Variants in FOXN3 observed in about 807,000 individuals in gnomAD.
FOXN3 encodes the protein forkhead box N3, also known as forkhead box protein N3.
In FOXN3, 7 loss-of-function variants were observed where a neutral mutation model predicts 38.4. That is an observed-to-expected ratio of 0.18 (90% CI 0.10 to 0.34). The LOEUF is 0.34. Ranked by LOEUF, FOXN3 falls within the 10% of genes least tolerant of loss-of-function variation. The probability of loss-of-function intolerance (pLI) is 1.00; values close to 1 mark genes in which losing one functional copy is unlikely to be tolerated. For synonymous variants in FOXN3, 230 were observed against 242.2 expected (o/e 0.95, Z 0.47); for missense variants, 456 against 613.4 (o/e 0.74, Z 2.71).
intron 4 of FOXN3, among the ~76,000 whole-genome samples, chr14:89,230,248 A>G (rs1884767356): frequency 6.6e-6 from 1 of 152,234 alleles, no homozygotes; most frequent in Non-Finnish European, 1.5e-5. Flanking sequence ...TCATTTCTAT[A>G]TCCCAGGGAT....
chr14:89,231,321 G>C (rs2139854359), intron 4 of FOXN3, among the ~76,000 whole-genome samples: 1 of 152,278 alleles, frequency 6.6e-6, no homozygotes. Context: ...TTGCTTTGTA[G>C]GAAATACTTG....
chr14:89,336,888 CTT>C (rs1468470501), intron 3 of FOXN3, among the ~76,000 whole-genome samples: 1 of 152,182 alleles, frequency 6.6e-6, no homozygotes, highest in East Asian at 1.9e-4. Context: ...TTTCCTATAA[CTT>C]TAACTTCAAC....
intron 1 of FOXN3, among the ~76,000 whole-genome samples, chr14:89,476,658 G>A (rs868476807): frequency 1.2e-4 from 19 of 152,194 alleles, no homozygotes; most frequent in South Asian, 2.1e-4. Context: ...TTTCCACAGC[G>A]ATTAAGAGTC....
At chr14:89,550,882 G>A (rs977656649) in intron 1 of FOXN3, among the ~76,000 whole-genome samples, 10 of 152,260 alleles carry the variant, frequency 6.6e-5, no homozygotes, top group African/African-American at 1.7e-4. Context: ...CGGAGAGAGC[G>A]AGAGACTCTT....
In FOXN3 at chr14:89,286,382, C is replaced by T. The variant is rs76280962; in HGVS notation, c.681-5368G>A. Reference sequence around the variant, plus strand: ...CGACAAAGCAGAAAGCCCAAACCAACGGGGATGGGGTGGGGGGAAAAAGTG... The same window carrying T: ...CGACAAAGCAGAAAGCCCAAACCAATGGGGATGGGGTGGGGGGAAAAAGTG... On this transcript the variant is annotated intron_variant, in intron 3 of 5. Coordinates refer to ENST00000557258, the MANE Select transcript of FOXN3 (RefSeq NM_005197.4). Among the ~76,000 whole-genome samples the T allele has an allele frequency of 1.2e-4, 19 of 152,170 alleles. No homozygotes were observed. In the East Asian group the frequency reaches 1.9e-3, roughly 15 times the overall value.
At chr14:89,325,828 A>G (rs1025387228) in intron 3 of FOXN3, among the ~76,000 whole-genome samples, 2 of 152,212 alleles carry the variant, frequency 1.3e-5, no homozygotes, top group Admixed American at 1.3e-4. Flanking sequence ...TGGGGGCTCA[A>G]TGAACTGAGC....
At chr14:89,568,931 A>G (rs144999448) in intron 1 of FOXN3, among the ~76,000 whole-genome samples, 6,001 of 152,282 alleles carry the variant, frequency 0.039, 300 homozygotes, top group African/African-American at 0.11. Context: ...TTGGCCGGGC[A>G]CGGTGGCTCA....
At chr14:89,505,968 C>G (rs1275792006) in intron 1 of FOXN3, among the ~76,000 whole-genome samples, 1 of 150,886 alleles carries the variant, frequency 6.6e-6, no homozygotes, top group South Asian at 2.1e-4. Context: ...GCAACCGCCC[C>G]GTCTGAGAAG....
At chr14:89,579,739 C>T (rs745451980) in intron 1 of FOXN3, among the ~76,000 whole-genome samples, 40 of 152,172 alleles carry the variant, frequency 2.6e-4, no homozygotes, top group Non-Finnish European at 5.3e-4. Flanking sequence ...TCTGGCCACC[C>T]TTACCAAATG....
At chr14:89,574,386 T>C (rs910421685) in intron 1 of FOXN3, among the ~76,000 whole-genome samples, 2 of 152,220 alleles carry the variant, frequency 1.3e-5, no homozygotes, top group African/African-American at 2.4e-5. Context: ...ATAAGGTTTC[T>C]GGTCTTCTCT....
chr14:89,280,202 G>A (rs906628996), intron 4 of FOXN3, among the ~76,000 whole-genome samples: 7 of 152,140 alleles, frequency 4.6e-5, no homozygotes, highest in Admixed American at 1.3e-4. Context: ...CCAAAATAGC[G>A]ATAACCCCAA....
chr14:89,562,687 A>T (rs970660423), intron 1 of FOXN3, among the ~76,000 whole-genome samples: 2 of 152,258 alleles, frequency 1.3e-5, no homozygotes, highest in Admixed American at 6.5e-5. Context: ...TTACAAGGAC[A>T]TCACACAAAC....
chr14:89,467,426 A>G (rs1483395653), intron 1 of FOXN3, among the ~76,000 whole-genome samples: 1 of 152,222 alleles, frequency 6.6e-6, no homozygotes, highest in East Asian at 1.9e-4. Flanking sequence ...TCACTTTAAA[A>G]TACAATTACT....
Position 89,182,423 on chromosome 14 carries a change from C to G in FOXN3, c.746-1617G>C, listed in dbSNP as rs567653637. Among the ~76,000 whole-genome samples the G allele has an allele frequency of 2.6e-5, 4 of 152,290 alleles. No homozygotes were observed. In the South Asian group the frequency reaches 8.3e-4, roughly 32 times the overall value. ...GGATGGGTGACAGAATGGAAACTCTCGCCTAAGTCAGTACTACTATTACAG... is the reference window on the plus strand; with the variant it reads ...GGATGGGTGACAGAATGGAAACTCTGGCCTAAGTCAGTACTACTATTACAG... On this transcript the variant is annotated intron_variant, in intron 4 of 5. Coordinates refer to ENST00000557258, the MANE Select transcript of FOXN3 (RefSeq NM_005197.4).
intron 4 of FOXN3, among the ~76,000 whole-genome samples, chr14:89,206,530 C>T (rs1490716027): frequency 1.3e-5 from 2 of 152,178 alleles, no homozygotes; most frequent in African/African-American, 4.8e-5. Flanking sequence ...GCGGAGGTTT[C>T]CGTTCCCAGT....
intron 2 of FOXN3, among the ~76,000 whole-genome samples, chr14:89,377,773 G>A (rs544829310): frequency 2.0e-4 from 31 of 152,208 alleles, no homozygotes; most frequent in African/African-American, 4.8e-4. Flanking sequence ...ACCAATTCAC[G>A]TGTTGAAGCC....
intron 1 of FOXN3, among the ~76,000 whole-genome samples, chr14:89,472,887 T>C (rs75758275): frequency 0.02 from 3,112 of 152,210 alleles, 91 homozygotes; most frequent in African/African-American, 0.071. Context: ...TCCATAACCC[T>C]TCTGTGAGGT....
At chr14:89,363,343 G>A (rs1889954633) in intron 2 of FOXN3, among the ~76,000 whole-genome samples, 2 of 152,336 alleles carry the variant, frequency 1.3e-5, no homozygotes, top group Admixed American at 6.5e-5. Context: ...TCAAGATCAT[G>A]AGAGACAAAT....
intron 3 of FOXN3, among the ~76,000 whole-genome samples, chr14:89,349,348 G>C (rs564637350): frequency 6.6e-6 from 1 of 152,274 alleles, no homozygotes; most frequent in Admixed American, 6.5e-5. Flanking sequence ...TTCGAATAAA[G>C]TATGCTTCCA....
Sources: gnomAD v4.1 joint callset for allele counts (sites outside exome capture counted in the v4.1 genomes callset) on GRCh38, gnomAD v4.1.1 for gene constraint, MANE v1.5 for transcripts, NCBI Gene and HGNC (gene_info 2026-07-23, HGNC 2026-07-21) for gene names.